NCOR2: variants seen among roughly 807,000 people sequenced by gnomAD.
NCOR2 encodes the protein nuclear receptor corepressor 2.
In NCOR2, 81 loss-of-function variants were observed where a neutral mutation model predicts 262.9. The ratio of observed to expected loss-of-function variants is 0.31; its 90% CI spans 0.26 to 0.37. The LOEUF (loss-of-function observed/expected upper bound fraction) is 0.37, where lower values mean the gene tolerates loss of function less well. Ranked by LOEUF, NCOR2 falls within the 10% of genes least tolerant of loss-of-function variation. NCOR2 has a pLI of 1.00. For missense variants in NCOR2, 3,385 were observed against 3,621.4 expected (o/e 0.93, Z 1.68); for synonymous variants, 1,659 against 1,559.3 (o/e 1.06, Z -1.51).
intron 44 of NCOR2, among the ~76,000 whole-genome samples, chr12:124,330,577 G>A (rs1299931157): frequency 6.6e-6 from 1 of 152,252 alleles, no homozygotes; most frequent in Non-Finnish European, 1.5e-5. Flanking sequence ...TTTCCAGCTG[G>A]TGAGGGTGCA....
At chr12:124,419,929 GGACA>G (rs1165866636) in intron 13 of NCOR2, 24 bp downstream of exon 15, 1 of 1,597,886 alleles carries the variant, frequency 6.3e-7, no homozygotes, top group African/African-American at 1.3e-5. Context: ...GAGCCTGCAA[GGACA>G]GTCACCCCCA....
chr12:124,564,137 G>T (rs1338236289), intron 1 of NCOR2, among the ~76,000 whole-genome samples: 2 of 152,240 alleles, frequency 1.3e-5, no homozygotes, highest in Non-Finnish European at 2.9e-5. Flanking sequence ...ATGATCCACA[G>T]CCTTTTCCAA....
At chr12:124,380,600 C>G (rs752166578) in intron 17 of NCOR2, among the ~76,000 whole-genome samples, 99 of 152,190 alleles carry the variant, frequency 6.5e-4, no homozygotes, top group Non-Finnish European at 1.2e-3. Flanking sequence ...CGGCCGAGGG[C>G]TCCCCCTGCT....
At chr12:124,521,299 C>G (rs1313954613) in intron 1 of NCOR2, among the ~76,000 whole-genome samples, 2 of 152,222 alleles carry the variant, frequency 1.3e-5, no homozygotes, top group African/African-American at 4.8e-5. Context: ...GAGCCAGACA[C>G]GTCTGGCTAT....
intron 1 of NCOR2, among the ~76,000 whole-genome samples, chr12:124,528,886 T>G (rs2050624928): frequency 6.6e-6 from 1 of 152,132 alleles, no homozygotes; most frequent in South Asian, 2.1e-4. Context: ...AGATGAGTGT[T>G]AAGAACAACA....
At chr12:124,505,206 G>A (rs1246582047) in intron 1 of NCOR2, among the ~76,000 whole-genome samples, 1 of 152,144 alleles carries the variant, frequency 6.6e-6, no homozygotes, top group African/African-American at 2.4e-5. Context: ...GACTCAATGG[G>A]GCAGGTTCAG....
chr12:124,501,060 GCGCACA>G (rs1218718504), intron 1 of NCOR2, among the ~76,000 whole-genome samples: 94 of 48,818 alleles, frequency 1.9e-3, no homozygotes, highest in Admixed American at 7.4e-3. Context: ...GCGCGCACGC[GCGCACA>G]CACACACACA....
intron 16 of NCOR2, among the ~76,000 whole-genome samples, chr12:124,396,427 A>C (rs2041660621): frequency 6.6e-6 from 1 of 152,224 alleles, no homozygotes; most frequent in African/African-American, 2.4e-5. Context: ...AATGAAATAC[A>C]TGCCAGAAAC....
rs769709135 is a variant in NCOR2, at chr12:124,327,652, C to G, written c.6959-19G>C. The G allele has an allele frequency of 2.5e-6, 4 of 1,579,148 alleles. No individual in the cohort carries two copies. The highest frequency in any genetic ancestry group is 1.1e-5 in the South Asian group (1 of 89,604). On this transcript the variant is annotated intron_variant, in intron 44 of 46. Transcript: ENST00000405201. ...ATAAGGCCTGGGAGAGAGAGACAGACAGACAGACAGACACATGGGGGCCGG... is the reference window on the plus strand; with the variant it reads ...ATAAGGCCTGGGAGAGAGAGACAGAGAGACAGACAGACACATGGGGGCCGG...
chr12:124,331,085 TAG>T (rs2035149619), intron 43 of NCOR2, among the ~76,000 whole-genome samples, 187 bp from the exon 46 acceptor site: 1 of 145,926 alleles, frequency 6.9e-6, no homozygotes, highest in Non-Finnish European at 1.5e-5. Context: ...TTTTTTGAGA[TAG>T]AGTCTCGCTC....
intron 1 of NCOR2, among the ~76,000 whole-genome samples, chr12:124,529,193 A>AC (rs1471898182): frequency 4.7e-5 from 7 of 150,180 alleles, no homozygotes; most frequent in Admixed American, 4.0e-4. Context: ...AAAAAAAAAA[A>AC]AAAAAAAAAC....
chr12:124,418,059 TCAAAA>T (rs1029555582), intron 13 of NCOR2, among the ~76,000 whole-genome samples: 16 of 127,974 alleles, frequency 1.3e-4, no homozygotes, highest in Admixed American at 1.2e-3. Context: ...AAACTCCATC[TCAAAA>T]AAAAAAAAAA....
At chr12:124,351,804 C>T (rs957382755) in intron 27 of NCOR2, among the ~76,000 whole-genome samples, 4 of 152,158 alleles carry the variant, frequency 2.6e-5, no homozygotes, top group Admixed American at 6.5e-5. Flanking sequence ...CTGGCACAGA[C>T]GACGGGTCCC....
intron 20 of NCOR2, among the ~76,000 whole-genome samples, chr12:124,370,791 A>G (rs1393325161): frequency 6.6e-6 from 1 of 152,150 alleles, no homozygotes; most frequent in Admixed American, 6.5e-5. Flanking sequence ...CAGAAAGGAA[A>G]GAACACACCT....
At chr12:124,329,515 T>A (rs546869419) in intron 44 of NCOR2, among the ~76,000 whole-genome samples, 1 of 151,760 alleles carries the variant, frequency 6.6e-6, no homozygotes, top group South Asian at 2.1e-4. Flanking sequence ...GGTGGGAGGA[T>A]CCTCAGCTTG....
In NCOR2 at chr12:124,503,755, CATGG is replaced by C. The variant is rs140020991; in HGVS notation, c.-117-8391_-117-8388del. Among the ~76,000 whole-genome samples, 151 of 146,652 alleles carry C rather than the reference CATGG, an allele frequency of 1.0e-3. 1 individual carries two copies. The highest frequency in any genetic ancestry group is 1.9e-3 in the Non-Finnish European group (124 of 66,592). ...GGATGGACGGATGGATGCATGGATG[CATGG>C]ATGGATGGATGGATGGATGGGCGGA... On this transcript the variant is annotated intron_variant, in intron 1 of 46. Coordinates refer to the NCOR2 transcript ENST00000404621. This position sits in a 1 kb window ranked among gnomAD's most constrained non-coding sequence, Gnocchi z 4.3.
intron 20 of NCOR2, among the ~76,000 whole-genome samples, chr12:124,368,852 T>C (rs1048527413): frequency 2.6e-5 from 4 of 152,264 alleles, no homozygotes; most frequent in Non-Finnish European, 5.9e-5. Flanking sequence ...GCCTTGTCTG[T>C]GCAGTTTCCA....
chr12:124,336,878 T>A, exon 38 of NCOR2: 1 of 1,609,496 alleles, frequency 6.2e-7, no homozygotes, highest in East Asian at 2.2e-5. Context: ...TGCGAGGTTC[T>A]TCGCAGGGGT....
chr12:124,329,643 G>A (rs758441648), intron 44 of NCOR2, among the ~76,000 whole-genome samples: 1 of 151,674 alleles, frequency 6.6e-6, no homozygotes, highest in Non-Finnish European at 1.5e-5. Flanking sequence ...TCAGGAGGCT[G>A]AGAGGTAGGA....
Sources: gnomAD v4.1 joint callset for allele counts (sites outside exome capture counted in the v4.1 genomes callset) on GRCh38, gnomAD v4.1.1 for gene constraint, Gnocchi (gnomAD v3.1) non-coding constraint, MANE v1.5 for transcripts, NCBI Gene and HGNC (gene_info 2026-07-23, HGNC 2026-07-21) for gene names.